CTNNA3: variants seen among roughly 807,000 people sequenced by gnomAD.
CTNNA3 encodes catenin alpha-3.
CTNNA3 carries 76 observed loss-of-function variants against 95.7 expected under a neutral mutation model. The observed-to-expected ratio is 0.79, with a 90% CI of 0.66 to 0.96. The LOEUF is 0.96. CTNNA3 is among the 40% of genes least tolerant of loss of function. The pLI is 0.00. For synonymous variants in CTNNA3, 431 were observed against 374.4 expected, an observed-to-expected ratio of 1.15 and a Z score of -1.74; for missense variants, 1,191 against 1,089.8, an observed-to-expected ratio of 1.09 and a Z score of -1.31.
At chr10:67,378,726 C>A (rs764528015) in intron 5 of CTNNA3, among the ~76,000 whole-genome samples, 1 of 152,124 alleles carries the variant, frequency 6.6e-6, no homozygotes, top group Non-Finnish European at 1.5e-5. Flanking sequence ...CTGTGAATGA[C>A]AGGATTTCAT....
intron 7 of CTNNA3, among the ~76,000 whole-genome samples, chr10:67,114,077 C>CA (rs11454339): frequency 0.39 from 53,200 of 136,054 alleles, 9,753 homozygotes; most frequent in Middle Eastern, 0.61. Context: ...GGGGAGAACT[C>CA]AAAAAAAAAA....
intron 12 of CTNNA3, among the ~76,000 whole-genome samples, chr10:66,365,684 A>G (rs1039080859): frequency 6.6e-6 from 1 of 152,024 alleles, no homozygotes; most frequent in Non-Finnish European, 1.5e-5. Flanking sequence ...CTTCTAACAA[A>G]CTGAATACAG....
chr10:66,285,953 T>C (rs2091580907), intron 12 of CTNNA3, among the ~76,000 whole-genome samples: 1 of 152,046 alleles, frequency 6.6e-6, no homozygotes, highest in African/African-American at 2.4e-5. Context: ...TTATTCATTC[T>C]CATTGCTGTA....
At chr10:67,352,602 T>C (rs1397031774) in intron 5 of CTNNA3, among the ~76,000 whole-genome samples, 1 of 151,966 alleles carries the variant, frequency 6.6e-6, no homozygotes, top group Non-Finnish European at 1.5e-5. Context: ...GATAGAAAGG[T>C]ATGAATGTTC....
intron 7 of CTNNA3, among the ~76,000 whole-genome samples, chr10:66,978,526 CAAAA>C (rs1170594360): frequency 1.9e-4 from 8 of 42,318 alleles, no homozygotes; most frequent in African/African-American, 4.1e-4. Context: ...GACTCCATCT[CAAAA>C]AAAAAAAAAA....
intron 15 of CTNNA3, among the ~76,000 whole-genome samples, chr10:66,007,724 C>CCCTTTCTTCCTCCCTACCTT (rs2078918958): frequency 4.9e-5 from 2 of 40,744 alleles, no homozygotes; most frequent in African/African-American, 2.2e-4. Flanking sequence ...CTCCCTCCCT[C>CCCTTTCTTCCTCCCTACCTT]CCTTTCTTCC....
intron 5 of CTNNA3, among the ~76,000 whole-genome samples, chr10:67,408,299 C>T (rs1248395176): frequency 1.3e-5 from 2 of 152,078 alleles, no homozygotes; most frequent in African/African-American, 4.8e-5. Context: ...GCAAAAAGAA[C>T]AAAGCTAGAG....
At chr10:65,974,116 A>G (rs1159413694) in intron 16 of CTNNA3, among the ~76,000 whole-genome samples, 2 of 152,204 alleles carry the variant, frequency 1.3e-5, no homozygotes, top group Non-Finnish European at 2.9e-5. Context: ...TGTGGAGAAA[A>G]GGGAACACTT....
At chr10:66,364,675 A>T (rs964800100) in intron 12 of CTNNA3, among the ~76,000 whole-genome samples, 2 of 152,154 alleles carry the variant, frequency 1.3e-5, no homozygotes, top group African/African-American at 2.4e-5. Context: ...TGTACAGAGG[A>T]ACATTGAAGA....
At chr10:66,928,041 C>T in intron 7 of CTNNA3, 1 of 1,614,104 alleles carries the variant, frequency 6.2e-7, no homozygotes, top group Non-Finnish European at 8.5e-7. Context: ...CCAGGGCTCT[C>T]CCAAAGCCGA....
intron 9 of CTNNA3, among the ~76,000 whole-genome samples, chr10:66,712,973 T>C (rs935735112): frequency 1.3e-5 from 2 of 152,104 alleles, no homozygotes; most frequent in African/African-American, 4.8e-5. Flanking sequence ...GTGTCTCTGG[T>C]AGTTCTGGGA....
At chr10:65,942,608 A>G (rs1248382508) in intron 17 of CTNNA3, among the ~76,000 whole-genome samples, 1 of 152,204 alleles carries the variant, frequency 6.6e-6, no homozygotes, top group African/African-American at 2.4e-5. Context: ...CTTTCTCTTT[A>G]TCAATATATC....
At chr10:67,452,082 G>A (rs1847010107) in intron 5 of CTNNA3, among the ~76,000 whole-genome samples, 1 of 150,070 alleles carries the variant, frequency 6.7e-6, no homozygotes, top group Non-Finnish European at 1.5e-5. Flanking sequence ...AAGGAAGGAA[G>A]GAAGGAAGGA....
intron 10 of CTNNA3, among the ~76,000 whole-genome samples, chr10:66,572,671 G>C (rs1161097497): frequency 6.6e-6 from 1 of 152,036 alleles, no homozygotes; most frequent in African/African-American, 2.4e-5. Flanking sequence ...AAACTTCACA[G>C]ATTGGAGGCC....
intron 12 of CTNNA3, among the ~76,000 whole-genome samples, chr10:66,343,685 A>G (rs903228581): frequency 6.6e-6 from 1 of 152,024 alleles, no homozygotes; most frequent in Admixed American, 6.6e-5. Context: ...GACTCTAGTT[A>G]ACAATAATAT....
intron 13 of CTNNA3, among the ~76,000 whole-genome samples, chr10:66,125,304 T>C (rs903624487): frequency 6.6e-6 from 1 of 152,154 alleles, no homozygotes; most frequent in Admixed American, 6.5e-5. Context: ...GTAAATTAAA[T>C]GAATGATAGC....
intron 13 of CTNNA3, among the ~76,000 whole-genome samples, chr10:66,235,730 A>C (rs1400930415): frequency 6.6e-6 from 1 of 152,084 alleles, no homozygotes; most frequent in African/African-American, 2.4e-5. Flanking sequence ...GGAGTGTGAA[A>C]GGCAAATACC....
intron 7 of CTNNA3, among the ~76,000 whole-genome samples, chr10:66,873,464 T>A (rs908403938): frequency 6.6e-6 from 1 of 152,114 alleles, no homozygotes; most frequent in African/African-American, 2.4e-5. Context: ...TCTCTGATGT[T>A]TAGTGACAAT....
rs1564513516 is a variant in CTNNA3 at position 65,917,682 on chromosome 10, C to G, written c.*2648G>C. 6.6e-6 allele frequency: 1 copy of G among 152,136 alleles called. No homozygotes were observed. The highest frequency in any genetic ancestry group is 6.5e-5 in the Admixed American group (1 of 15,270). 9.4% of individuals were successfully genotyped at this position (152,136 alleles called of 1,614,324 possible). A position where few individuals can be genotyped will look rare whatever the true frequency, so the allele number is the denominator to read the frequency against. On this transcript the variant is annotated 3_prime_UTR_variant, in exon 18 of 18. Transcript: ENST00000433211. Reference sequence around the variant, plus strand: ...ATGTATTATCAGAGGAAGCACTAATCTCTGTGATGAGACATCAAAAGGTAC... The same window carrying G: ...ATGTATTATCAGAGGAAGCACTAATGTCTGTGATGAGACATCAAAAGGTAC...
Sources: gnomAD v4.1 joint callset for allele counts (sites outside exome capture counted in the v4.1 genomes callset) on GRCh38, gnomAD v4.1.1 for gene constraint, MANE v1.5 for transcripts, NCBI Gene and HGNC (gene_info 2026-07-23, HGNC 2026-07-21) for gene names.